The following CSMD2 variants were observed in gnomAD, a reference collection of about 807,000 sequenced individuals.
The protein encoded by CSMD2 is CUB and sushi domain-containing protein 2.
A neutral mutation model predicts 398.5 loss-of-function variants in CSMD2; 130 were observed. The ratio of observed to expected loss-of-function variants is 0.33; its 90% confidence interval spans 0.28 to 0.38. The LOEUF (loss-of-function observed/expected upper bound fraction) is 0.38, where lower values mean the gene tolerates loss of function less well. Ranked by LOEUF, CSMD2 falls within the 10% of genes least tolerant of loss-of-function variation. The probability of loss-of-function intolerance (pLI) is 1.00; values close to 1 mark genes in which losing one functional copy is unlikely to be tolerated. For missense variants in CSMD2, 3,829 were observed against 4,764.9 expected (o/e 0.80, Z 5.78); for synonymous variants, 1,828 against 1,908.5 (o/e 0.96, Z 1.10).
intron 29 of CSMD2, among the ~76,000 whole-genome samples, chr1:33,639,155 T>C (rs1046516316): frequency 6.6e-6 from 1 of 152,212 alleles, no homozygotes; most frequent in Non-Finnish European, 1.5e-5. Flanking sequence ...TCAGTTGCCA[T>C]CTTGGATCGG....
At position 33,617,617 on chromosome 1, in the gene CSMD2, G is replaced by T. The variant is rs149318404; in HGVS notation, c.5828C>A (p.Thr1943Lys). The T allele has an allele frequency of 1.2e-6, 2 of 1,610,998 alleles. No homozygotes were observed. The highest frequency in any genetic ancestry group is 1.7e-6 in the Non-Finnish European group (2 of 1,177,218). ...SAAGFHLEYKTVGLSSCPEPA... is the reference protein window; with the variant it reads ...SAAGFHLEYKKVGLSSCPEPA... ...TTCCGGACAACTGCTCAGGCCCACC[G>T]CTAGACAAGACAGAGACAGAAGGAA... Residue 1943 changes from threonine to lysine, a missense_variant and splice_region_variant, in exon 38 of 71, where the codon ACG becomes AAG. This residue lies in a region of CSMD2 where 2,001 missense variants were observed against 2,567.1 expected (regional missense o/e 0.78). Coordinates refer to ENST00000373381, the MANE Select transcript of CSMD2 (RefSeq NM_001281956.2).
intron 5 of CSMD2, among the ~76,000 whole-genome samples, chr1:33,893,322 T>C (rs1346051557): frequency 6.6e-6 from 1 of 152,238 alleles, no homozygotes; most frequent in Non-Finnish European, 1.5e-5. Flanking sequence ...ACTGAAAGAT[T>C]AGTCACTTGC....
chr1:33,698,703 T>G, intron 24 of CSMD2, 50 bp downstream of exon 24: 1 of 1,533,326 alleles, frequency 6.5e-7, no homozygotes. Context: ...GACTAGAGCT[T>G]GGTATTATGG....
chr1:34,051,847 G>C (rs1226055862), intron 2 of CSMD2, among the ~76,000 whole-genome samples: 1 of 152,184 alleles, frequency 6.6e-6, no homozygotes, highest in Non-Finnish European at 1.5e-5. Flanking sequence ...AGGATGCCCA[G>C]ATATTTGGTT....
At chr1:33,634,620 C>T (rs1642683885) in intron 31 of CSMD2, among the ~76,000 whole-genome samples, 1 of 152,220 alleles carries the variant, frequency 6.6e-6, no homozygotes, top group South Asian at 2.1e-4. Context: ...TCCCCACTGC[C>T]AACCAGGTAA....
At chr1:33,829,775 G>A (rs1557964559) in intron 6 of CSMD2, among the ~76,000 whole-genome samples, 1 of 152,306 alleles carries the variant, frequency 6.6e-6, no homozygotes, top group South Asian at 2.1e-4. Context: ...GGTGACAGAC[G>A]GCACGTGGAA....
rs551917384 is a variant in CSMD2 at position 34,029,355 on chromosome 1, A to AATCTGC, written c.517+3233_517+3238dup. Among the ~76,000 whole-genome samples, 11 of 152,248 alleles carry AATCTGC rather than the reference A, an allele frequency of 7.2e-5. No individual in the cohort carries two copies. In the East Asian group the frequency reaches 2.1e-3, roughly 29 times the overall value. ...CACAATGAGGCTCAGAGAGCTTAAAAATCTGCCCAAGGTCACCCAGTGAGT... is the reference window on the plus strand; with the variant it reads ...CACAATGAGGCTCAGAGAGCTTAAAAATCTGCATCTGCCCAAGGTCACCCAGTGAGT... On this transcript the variant is annotated intron_variant, in intron 3 of 70. Coordinates refer to ENST00000373381, the MANE Select transcript of CSMD2 (RefSeq NM_001281956.2).
At chr1:33,994,684 C>G (rs577538563) in intron 3 of CSMD2, among the ~76,000 whole-genome samples, 110 of 152,278 alleles carry the variant, frequency 7.2e-4, no homozygotes, top group African/African-American at 1.5e-3. Flanking sequence ...AACCACTTCC[C>G]TAAACCCACT....
intron 41 of CSMD2, among the ~76,000 whole-genome samples, chr1:33,608,699 C>G (rs192269749): frequency 1.3e-5 from 2 of 152,250 alleles, no homozygotes; most frequent in African/African-American, 4.8e-5. Context: ...GGTGATACTT[C>G]TAAGAGCTGA....
At chr1:34,092,230 C>A (rs1182119552) in intron 1 of CSMD2, among the ~76,000 whole-genome samples, 1 of 152,124 alleles carries the variant, frequency 6.6e-6, no homozygotes, top group East Asian at 1.9e-4. Context: ...AGAGACATAG[C>A]ATAATCTTGA....
At chr1:34,085,147 G>T (rs1006879190) in intron 2 of CSMD2, among the ~76,000 whole-genome samples, 15 of 151,918 alleles carry the variant, frequency 9.9e-5, no homozygotes, top group African/African-American at 3.6e-4. Flanking sequence ...ACCAAACACC[G>T]CATGTTCTCA....
intron 1 of CSMD2, among the ~76,000 whole-genome samples, chr1:34,101,391 T>G (rs1231243083): frequency 2.6e-5 from 4 of 152,232 alleles, no homozygotes; most frequent in African/African-American, 4.8e-5. Flanking sequence ...AGGACAGACT[T>G]CCAAATAGCA....
intron 5 of CSMD2, among the ~76,000 whole-genome samples, chr1:33,849,140 T>A (rs1244479598): frequency 6.6e-6 from 1 of 152,162 alleles, no homozygotes; most frequent in Non-Finnish European, 1.5e-5. Flanking sequence ...AGGCTTAAAC[T>A]CTCAGGGCCC....
chr1:33,680,918 C>CTTTTTTTTT (rs66489770), intron 25 of CSMD2, among the ~76,000 whole-genome samples: 22 of 75,940 alleles, frequency 2.9e-4, no homozygotes, highest in Non-Finnish European at 3.8e-4. Flanking sequence ...CTGTTTTATG[C>CTTTTTTTTT]TTTTTTTTTT....
At chr1:33,609,527 G>C (rs1640857378) in intron 41 of CSMD2, among the ~76,000 whole-genome samples, 1 of 152,154 alleles carries the variant, frequency 6.6e-6, no homozygotes, top group Non-Finnish European at 1.5e-5. Flanking sequence ...CTAAACAATA[G>C]TAGCCGTTTC....
chr1:33,961,355 C>T (rs1645352227), intron 3 of CSMD2, among the ~76,000 whole-genome samples: 2 of 152,258 alleles, frequency 1.3e-5, no homozygotes, highest in Admixed American at 6.5e-5. Context: ...CTGTGTAAGA[C>T]TGAGGAGCTG....
chr1:33,934,241 C>T (rs1644398084), intron 4 of CSMD2, among the ~76,000 whole-genome samples: 1 of 152,208 alleles, frequency 6.6e-6, no homozygotes, highest in African/African-American at 2.4e-5. Flanking sequence ...TCCTCCCAGA[C>T]TGATATATGG....
intron 3 of CSMD2, among the ~76,000 whole-genome samples, chr1:34,016,931 T>C (rs529042746): frequency 6.6e-6 from 1 of 152,324 alleles, no homozygotes; most frequent in East Asian, 1.9e-4. Context: ...CAGTTTTTTT[T>C]CACATATAAA....
At chr1:33,530,957 G>A (rs1450465314) in intron 64 of CSMD2, among the ~76,000 whole-genome samples, 1 of 152,122 alleles carries the variant, frequency 6.6e-6, no homozygotes, top group African/African-American at 2.4e-5. Flanking sequence ...GGGTGGTACT[G>A]GGGGGTTGGA....
Sources: gnomAD v4.1 joint callset for allele counts (sites outside exome capture counted in the v4.1 genomes callset) on GRCh38, gnomAD v4.1.1 for gene constraint, gnomAD v4.1.1 regional missense constraint, MANE v1.5 for transcripts, NCBI Gene and HGNC (gene_info 2026-07-23, HGNC 2026-07-21) for gene names.